Variants in GALNT13 observed in about 807,000 individuals in gnomAD.
GALNT13 encodes the protein polypeptide N-acetylgalactosaminyltransferase 13.
A neutral mutation model predicts 64.2 loss-of-function variants in GALNT13; 28 were observed. The observed-to-expected ratio is 0.44, with a 90% CI of 0.32 to 0.60. The LOEUF is 0.60. GALNT13 is among the 20% of genes least tolerant of loss of function. The pLI, the probability that GALNT13 is intolerant of heterozygous loss-of-function variation, is 0.05. For missense variants in GALNT13, 577 were observed against 669.8 expected, an observed-to-expected ratio of 0.86 and a Z score of 1.53; for synonymous variants, 214 against 224.6, an observed-to-expected ratio of 0.95 and a Z score of 0.42.
chr2:153,421,591 C>G, the GALNT13 span: 1 of 243,294 alleles, frequency 4.1e-6, no homozygotes, highest in African/African-American at 2.3e-5. Context: ...GACCTGTGCA[C>G]TGGTGAACCA....
chr2:154,357,877 T>C (rs529843894), intron 9 of GALNT13, among the ~76,000 whole-genome samples: 76 of 152,198 alleles, frequency 5.0e-4, no homozygotes, highest in African/African-American at 1.8e-3. Context: ...AGCCTACTAA[T>C]TAAATGACTA....
At chr2:153,478,027 C>G in the GALNT13 span, 6 of 583,310 alleles carry the variant, frequency 1.0e-5, no homozygotes, top group Non-Finnish European at 1.5e-5. Flanking sequence ...CTGCTGAGTT[C>G]AGAGTCTGGG....
intron 9 of GALNT13, among the ~76,000 whole-genome samples, chr2:154,328,449 G>A (rs1694992180): frequency 6.6e-6 from 1 of 151,978 alleles, no homozygotes; most frequent in Non-Finnish European, 1.5e-5. Context: ...ATGGATATTT[G>A]CATTGTCTCA....
chr2:154,230,041 A>G (rs1412875750), intron 4 of GALNT13, among the ~76,000 whole-genome samples: 1 of 152,094 alleles, frequency 6.6e-6, no homozygotes, highest in African/African-American at 2.4e-5. Context: ...TTGATTCATG[A>G]TGTCAGCATC....
chr2:154,208,624 CTGTGTG>C (rs57789546), intron 4 of GALNT13, among the ~76,000 whole-genome samples: 32,176 of 140,154 alleles, frequency 0.23, 3,644 homozygotes, highest in Admixed American at 0.3. Context: ...TTTTGCGTGT[CTGTGTG>C]TGTGTGTGTG....
chr2:153,570,730 A>G, the GALNT13 span, among the ~76,000 whole-genome samples: 3 of 152,024 alleles, frequency 2.0e-5, no homozygotes, highest in African/African-American at 7.2e-5. Flanking sequence ...TCTTCAGTGC[A>G]GGTTATTGGC....
intron 3 of GALNT13, among the ~76,000 whole-genome samples, chr2:154,132,817 C>T (rs1682699083): frequency 6.6e-6 from 1 of 151,460 alleles, no homozygotes; most frequent in South Asian, 2.1e-4. Context: ...ATTGCTTGAA[C>T]CAGGGAGGCA....
At position 153,893,598 on chromosome 2, in the gene GALNT13, AT is replaced by A. The variant is rs201835193; in HGVS notation, c.-176-7336del. Among the ~76,000 whole-genome samples the A allele has an allele frequency of 3.8e-3, 366 of 96,408 alleles. 8 individuals are homozygous for A. In the East Asian group the frequency reaches 0.061, roughly 16 times the overall value. The allele number at this position is 96,408 out of a possible 152,430, so 63.2% of individuals were successfully genotyped here. A position where few individuals can be genotyped will look rare whatever the true frequency, so the allele number is the denominator to read the frequency against. Reference sequence around the variant, plus strand: ...TATTTACATATATGTAAATTATGTCATTATTTACAAAACAACTTTATTCTCC... The same window carrying A: ...TATTTACATATATGTAAATTATGTCATATTTACAAAACAACTTTATTCTCC... On this transcript the variant is annotated intron_variant, in intron 1 of 12. Transcript: ENST00000392825.
chr2:153,570,647 T>A, the GALNT13 span, among the ~76,000 whole-genome samples: 6 of 152,076 alleles, frequency 3.9e-5, no homozygotes, highest in African/African-American at 1.4e-4. Context: ...TGGTGAGAGA[T>A]GGGGTCCTGT....
chr2:153,250,286 T>C, the GALNT13 span, among the ~76,000 whole-genome samples: 1 of 152,196 alleles, frequency 6.6e-6, no homozygotes, highest in Admixed American at 6.5e-5. Flanking sequence ...GGAAAAAAGC[T>C]CATCATCGCT....
intron 3 of GALNT13, among the ~76,000 whole-genome samples, chr2:154,124,288 G>A (rs1241341834): frequency 1.3e-5 from 2 of 151,918 alleles, no homozygotes; most frequent in Non-Finnish European, 2.9e-5. Flanking sequence ...ATGTCCTTAG[G>A]TTTCTAGCCA....
the GALNT13 span, among the ~76,000 whole-genome samples, chr2:153,615,963 T>G: frequency 2.6e-5 from 4 of 152,118 alleles, no homozygotes; most frequent in African/African-American, 9.7e-5. Flanking sequence ...CCATTTTTGC[T>G]TTCGTTGCCT....
chr2:153,400,408 T>C, the GALNT13 span, among the ~76,000 whole-genome samples: 2 of 152,160 alleles, frequency 1.3e-5, no homozygotes, highest in African/African-American at 4.8e-5. Flanking sequence ...TGCCTTTGCC[T>C]GGCTTTGGTA....
intron 2 of GALNT13, among the ~76,000 whole-genome samples, chr2:153,913,404 C>T (rs1490113079): frequency 6.6e-6 from 1 of 152,148 alleles, no homozygotes; most frequent in African/African-American, 2.4e-5. Context: ...TGTCCTGTCT[C>T]ATGGGCAAAA....
chr2:153,206,927 T>G, the GALNT13 span, among the ~76,000 whole-genome samples: 10 of 152,096 alleles, frequency 6.6e-5, no homozygotes, highest in African/African-American at 2.2e-4. Flanking sequence ...CCAATTCTTT[T>G]TTTTAAGCCT....
chr2:153,439,203 G>A, the GALNT13 span, among the ~76,000 whole-genome samples: 3 of 152,072 alleles, frequency 2.0e-5, no homozygotes, highest in Non-Finnish European at 2.9e-5. Context: ...AAGAATACCT[G>A]GTGGTGTGAG....
At chr2:153,625,387 T>G in the GALNT13 span, among the ~76,000 whole-genome samples, 1 of 152,110 alleles carries the variant, frequency 6.6e-6, no homozygotes, top group Non-Finnish European at 1.5e-5. Flanking sequence ...TTTGAGAAAT[T>G]TATGTTAGCA....
At chr2:154,340,885 T>C (rs1473415660) in intron 9 of GALNT13, among the ~76,000 whole-genome samples, 1 of 101,726 alleles carries the variant, frequency 9.8e-6, no homozygotes, top group Non-Finnish European at 2.1e-5. Flanking sequence ...ATATCTTTGT[T>C]CTTTGTGTGT....
the GALNT13 span, among the ~76,000 whole-genome samples, chr2:153,253,902 T>A: frequency 6.6e-6 from 1 of 152,230 alleles, no homozygotes; most frequent in African/African-American, 2.4e-5. Context: ...GCATCAATGT[T>A]CATCAAGGAT....
Sources: gnomAD v4.1 joint callset for allele counts (sites outside exome capture counted in the v4.1 genomes callset) on GRCh38, gnomAD v4.1.1 for gene constraint, MANE v1.5 for transcripts, NCBI Gene and HGNC (gene_info 2026-07-23, HGNC 2026-07-21) for gene names.